The following ITGA1 variants were observed in gnomAD, a reference collection of about 807,000 sequenced individuals.
ITGA1 encodes the protein integrin subunit alpha 1.
In ITGA1, 85 loss-of-function variants were observed where a neutral mutation model predicts 145.9. The observed-to-expected ratio is 0.58, with a 90% CI of 0.49 to 0.70. The LOEUF is 0.70. Among genes scored for constraint, ITGA1 ranks in the 30% least tolerant of loss-of-function variants. The pLI, the probability that ITGA1 is intolerant of heterozygous loss-of-function variation, is 0.00. For missense variants in ITGA1, 1,351 were observed against 1,418.7 expected (o/e 0.95, Z 0.77); for synonymous variants, 520 against 495.3 (o/e 1.05, Z -0.66).
At chr5:52,799,674 C>T (rs1272300139) in intron 1 of ITGA1, among the ~76,000 whole-genome samples, 1 of 152,234 alleles carries the variant, frequency 6.6e-6, no homozygotes, top group African/African-American at 2.4e-5. Context: ...TTCTAAATAC[C>T]AGCTCCAACA....
intron 1 of ITGA1, among the ~76,000 whole-genome samples, chr5:52,843,340 G>A (rs1274324373): frequency 6.6e-6 from 1 of 152,062 alleles, no homozygotes; most frequent in Non-Finnish European, 1.5e-5. Context: ...TAAAGCAATA[G>A]CATTTTAATA....
rs528132016 is a variant in ITGA1, at chr5:52,918,228, C to T, written c.1989-504C>T. On this transcript the variant is annotated intron_variant, in intron 15 of 28. Coordinates refer to ENST00000282588, the MANE Select transcript of ITGA1 (RefSeq NM_181501.2). Reference sequence around the variant, plus strand: ...AAAAAATGATGTTGCTTATAATTAACCTTAAGAATTAAATGAAATAGCATC... The same window carrying T: ...AAAAAATGATGTTGCTTATAATTAATCTTAAGAATTAAATGAAATAGCATC... Among the ~76,000 whole-genome samples the T allele has an allele frequency of 7.2e-5, 11 of 152,230 alleles. No individual in the cohort carries two copies. In the South Asian group the frequency reaches 1.5e-3, roughly 20 times the overall value.
chr5:52,802,630 C>G (rs1217480291), intron 1 of ITGA1: 1 of 152,172 alleles, frequency 6.6e-6, no homozygotes, highest in Non-Finnish European at 1.5e-5. Context: ...AGTGGCAAAG[C>G]TGGAAGTCAT....
intron 1 of ITGA1, among the ~76,000 whole-genome samples, chr5:52,834,212 T>C (rs1749120123): frequency 6.6e-6 from 1 of 152,198 alleles, no homozygotes; most frequent in Non-Finnish European, 1.5e-5. Flanking sequence ...AACAGGGCAG[T>C]TGAAGCCTGT....
At chr5:52,937,301 A>G in intron 23 of ITGA1, 100 bp from the exon 24 acceptor site, 2 of 773,680 alleles carry the variant, frequency 2.6e-6, no homozygotes, top group Non-Finnish European at 4.5e-6. Flanking sequence ...TCAAAATATT[A>G]CACAATTTAC....
At chr5:52,853,288 C>A (rs781118346) in intron 2 of ITGA1, among the ~76,000 whole-genome samples, 44 of 152,094 alleles carry the variant, frequency 2.9e-4, no homozygotes, top group Non-Finnish European at 5.7e-4. Context: ...TCTGGTAGTG[C>A]AAAATAACCT....
intron 1 of ITGA1, among the ~76,000 whole-genome samples, chr5:52,789,631 T>C (rs1339678040): frequency 6.6e-6 from 1 of 152,222 alleles, no homozygotes; most frequent in African/African-American, 2.4e-5. Flanking sequence ...TGGTAACTGC[T>C]GAACAGCATT....
intron 14 of ITGA1, among the ~76,000 whole-genome samples, chr5:52,911,255 T>C (rs1455806139): frequency 1.5e-5 from 2 of 135,902 alleles, no homozygotes; most frequent in African/African-American, 5.3e-5. Context: ...GTATATACAG[T>C]GTATATATAG....
intron 5 of ITGA1, 67 bp downstream of exon 5, chr5:52,865,149 C>T: frequency 1.8e-6 from 2 of 1,110,676 alleles, no homozygotes; most frequent in Non-Finnish European, 2.6e-6. Context: ...CGTATGTATA[C>T]AAAGGAACAT....
At chr5:52,828,123 T>G (rs1404571441) in intron 1 of ITGA1, among the ~76,000 whole-genome samples, 1 of 152,182 alleles carries the variant, frequency 6.6e-6, no homozygotes, top group Non-Finnish European at 1.5e-5. Context: ...TGTGAACAAG[T>G]TTTCTCTGAA....
chr5:52,820,915 A>C (rs1488851283), intron 1 of ITGA1, among the ~76,000 whole-genome samples: 3 of 152,150 alleles, frequency 2.0e-5, no homozygotes, highest in Non-Finnish European at 2.9e-5. Context: ...CCCTTAGCCC[A>C]GTGGAAAGAT....
intron 1 of ITGA1, among the ~76,000 whole-genome samples, chr5:52,844,552 C>T (rs946040688): frequency 6.6e-6 from 1 of 152,072 alleles, no homozygotes; most frequent in Non-Finnish European, 1.5e-5. Flanking sequence ...TCCTTATTTT[C>T]AGAATGATGA....
rs139685475 is a variant in ITGA1 at position 52,830,717 on chromosome 5, G to T, written c.62-18648G>T. On this transcript the variant is annotated intron_variant, in intron 1 of 28. Coordinates refer to ENST00000282588, the MANE Select transcript of ITGA1 (RefSeq NM_181501.2). ...GGAATAGTAGTTGCACTCAAGATATGAAGGAAAAATATGTTACAGGGTTTG... is the reference window on the plus strand; with the variant it reads ...GGAATAGTAGTTGCACTCAAGATATTAAGGAAAAATATGTTACAGGGTTTG... Among the ~76,000 whole-genome samples the T allele has an allele frequency of 2.7e-3, 413 of 152,224 alleles. 1 individual carries two copies. The highest frequency in any genetic ancestry group is 9.7e-3 in the African/African-American group (405 of 41,550).
intron 1 of ITGA1, among the ~76,000 whole-genome samples, chr5:52,791,503 C>T (rs1748239913): frequency 6.6e-6 from 1 of 152,158 alleles, no homozygotes; most frequent in African/African-American, 2.4e-5. Flanking sequence ...TTCCTCCCAC[C>T]CTCTGATGTC....
Position 52,801,450 on chromosome 5 carries a change from C to T in ITGA1, c.61+13036C>T, listed in dbSNP as rs756957091. ...GACACAAGTACTCCCTGAAAGAGGC[C>T]CTTTGTGACCCTACTGTGGCTAGCC... On this transcript the variant is annotated intron_variant, in intron 1 of 28. Coordinates refer to ENST00000282588, the MANE Select transcript of ITGA1 (RefSeq NM_181501.2). 6.2e-6 allele frequency: 10 copies of T among 1,613,886 alleles called. No homozygotes were observed. In the African/African-American group the frequency reaches 1.2e-4, roughly 19 times the overall value.
intron 1 of ITGA1, among the ~76,000 whole-genome samples, chr5:52,791,927 AAAAT>A (rs1287517544): frequency 6.6e-6 from 1 of 152,210 alleles, no homozygotes; most frequent in East Asian, 1.9e-4. Flanking sequence ...TAAATGCTCT[AAAAT>A]AATATGCTAT....
intron 3 of ITGA1, among the ~76,000 whole-genome samples, chr5:52,862,649 G>A (rs1030288373): frequency 6.6e-5 from 10 of 152,088 alleles, no homozygotes; most frequent in Admixed American, 1.3e-4. Context: ...CAGAGGAATT[G>A]TAATAGATAA....
chr5:52,906,068 G>C (rs541129018), intron 12 of ITGA1, among the ~76,000 whole-genome samples, 160 bp downstream of exon 12: 1 of 152,190 alleles, frequency 6.6e-6, no homozygotes. Context: ...TATAGTGTCT[G>C]TATCTTTGTC....
chr5:52,879,394 G>C (rs1749918846), intron 6 of ITGA1, among the ~76,000 whole-genome samples: 1 of 152,084 alleles, frequency 6.6e-6, no homozygotes, highest in Non-Finnish European at 1.5e-5. Context: ...AACAGTGTTT[G>C]TTCACTTTGA....
Sources: gnomAD v4.1 joint callset for allele counts (sites outside exome capture counted in the v4.1 genomes callset) on GRCh38, gnomAD v4.1.1 for gene constraint, MANE v1.5 for transcripts, NCBI Gene and HGNC (gene_info 2026-07-23, HGNC 2026-07-21) for gene names.